Variants in MAPK3 observed in about 807,000 individuals in gnomAD.
MAPK3 encodes the protein mitogen-activated protein kinase 3, also known as MAPK 1.
In MAPK3, 30 loss-of-function variants were observed where a neutral mutation model predicts 41.8. The observed-to-expected ratio is 0.72, with a 90% confidence interval of 0.54 to 0.97. The LOEUF (loss-of-function observed/expected upper bound fraction) is 0.97. MAPK3 is among the 50% of genes least tolerant of loss of function. MAPK3 has a pLI of 0.00. For synonymous variants in MAPK3, 222 were observed against 213.4 expected (o/e 1.04, Z -0.35); for missense variants, 413 against 509.9 (o/e 0.81, Z 1.83).
chr16:30,121,912 T>C lies in MAPK3; in HGVS notation c.265A>G (p.Ile89Val), dbSNP rs141047495. ...TGGCGGAAGCGCAGCAGGATCTGGA[T>C]CTCCCGGAGCGTGCGCTGGCAGTAG... ...QTYCQRTLREIQILLRFRHEN... is the reference protein window; with the variant it reads ...QTYCQRTLREVQILLRFRHEN... The change falls in exon 2 of 9, where the codon ATC (isoleucine) becomes GTC (valine). Residue 89 changes from isoleucine to valine, a missense_variant. By Grantham distance (29) the Ile-to-Val change is conservative. Around this residue, in one of 4 missense-constraint regions of MAPK3, gnomAD observed 145 missense variants for 133.0 expected, o/e 1.09. Coordinates refer to ENST00000263025, the MANE Select transcript of MAPK3 (RefSeq NM_002746.3). 122 of 1,613,976 alleles carry C rather than the reference T, an allele frequency of 7.6e-5. No individual in the cohort carries two copies. The African/African-American group carries it at 1.4e-3, about 18-fold the overall frequency.
rs1596884400 is a variant in MAPK3 at position 30,122,925 on chromosome 16, G to C, written c.170+115C>G. On this transcript the variant is annotated intron_variant, in intron 1 of 8. Coordinates refer to ENST00000263025, the MANE Select transcript of MAPK3 (RefSeq NM_002746.3). ...CGCTCCCGATCATCCCGAGTCTCCTGCCTCCTCGGGACGCTCCGCGTCTCC... is the reference window on the plus strand; with the variant it reads ...CGCTCCCGATCATCCCGAGTCTCCTCCCTCCTCGGGACGCTCCGCGTCTCC... The C allele has an allele frequency of 4.2e-6, 4 of 957,560 alleles. No homozygotes were observed. In the African/African-American group the frequency reaches 7.0e-5, roughly 17 times the overall value. The allele number at this position is 957,560 out of a possible 1,614,324, so 59.3% of individuals were successfully genotyped here. A position where few individuals can be genotyped will look rare whatever the true frequency, so the allele number is the denominator to read the frequency against.
At position 30,118,379 on chromosome 16, in the gene MAPK3, G is replaced by A. The variant is rs2151045896; in HGVS notation, c.513C>T (p.Asn171=). Residue 171 remains asparagine (N), a synonymous_variant, in exon 3 of 9, where the codon AAC becomes AAT. Transcript: ENST00000263025. Reference sequence around the variant, plus strand: ...GGTCGCAGGTGGTGTTGATGAGCAGGTTGGAGGGCTTTAGATCTCGGTGGA... The same window carrying A: ...GGTCGCAGGTGGTGTTGATGAGCAGATTGGAGGGCTTTAGATCTCGGTGGA... The part of the protein sequence containing the change: ...NVLHRDLKPS[N]LLINTTCDLK... 2 of 1,613,458 alleles carry A rather than the reference G, an allele frequency of 1.2e-6. No individual in the cohort carries two copies. The highest frequency in any genetic ancestry group is 1.7e-6 in the Non-Finnish European group (2 of 1,179,526).
chr16:30,121,271 G>A (rs1220144586), intron 2 of MAPK3, among the ~76,000 whole-genome samples: 1 of 151,856 alleles, frequency 6.6e-6, no homozygotes, highest in South Asian at 2.1e-4. Context: ...ACCATGCCCC[G>A]CTAATTTTTT....
Position 30,118,496 on chromosome 16 carries a change from C to CA in MAPK3, c.395dup (p.Leu132PhefsTer10). The stretch of plus-strand genomic sequence containing the variant: ...CATTGCTCAGCTGCTGGCTTTTCAG[C>CA]AACTTGTACAGGTCAGTCTCCATCA... On this transcript the variant is annotated frameshift_variant, in exon 3 of 9. Transcript: ENST00000263025. LOFTEE classifies it high-confidence loss of function. 1 of 1,613,970 alleles carries CA rather than the reference C, an allele frequency of 6.2e-7. No individual in the cohort carries two copies. Among genetic ancestry groups the CA allele is most frequent in the East Asian group, 2.2e-5 (1 of 44,882 alleles).
intron 2 of MAPK3, 93 bp downstream of exon 2, chr16:30,121,731 G>T: frequency 7.7e-7 from 1 of 1,297,712 alleles, no homozygotes; most frequent in Non-Finnish European, 1.1e-6. Flanking sequence ...TTTGGAGGGT[G>T]GTGGGTAAGA....
rs1435051948 is a variant in MAPK3 at position 30,118,112 on chromosome 16, C to T, written c.595G>A (p.Gly199Ser). The part of the protein sequence containing the change: ...RIADPEHDHT[G>S]FLTEYVATRW... ...GTAGCCACATACTCCGTCAGGAAGC[C>T]GGTGTGGTCATGCTCAGGATCGGCA... Residue 199 changes from glycine (G) to serine (S), a missense_variant, in exon 4 of 9, where the codon GGC becomes AGC. Gly to Ser is a moderately conservative substitution (Grantham distance 56). Coordinates refer to ENST00000263025, the MANE Select transcript of MAPK3 (RefSeq NM_002746.3). 14 of 1,614,126 alleles carry T rather than the reference C, an allele frequency of 8.7e-6. No individual in the cohort carries two copies. The highest frequency in any genetic ancestry group is 1.6e-4 in the Middle Eastern group (1 of 6,062).
rs180694536 is a variant in MAPK3 at position 30,117,752 on chromosome 16, C to A, written c.693G>T (p.Val231=). 1.2e-6 allele frequency: 2 copies of A among 1,614,064 alleles called. No homozygotes were observed. The highest frequency in any genetic ancestry group is 8.5e-7 in the Non-Finnish European group (1 of 1,179,954). Residue 231 remains valine, a synonymous_variant, in exon 5 of 9, where the codon GTG becomes GTT. Coordinates refer to ENST00000263025, the MANE Select transcript of MAPK3 (RefSeq NM_002746.3). ...AGAGCATCTCAGCCAGAATGCAGCC[C>A]ACAGACCAGATGTCGATGGACTTGG... The part of the protein sequence containing the change: ...GYTKSIDIWS[V]GCILAEMLSN...
At chr16:30,117,340 A>AAT (rs1272217531) in intron 5 of MAPK3, 55 bp from the exon 6 acceptor site, 24 of 1,585,312 alleles carry the variant, frequency 1.5e-5, no homozygotes, top group Middle Eastern at 1.8e-4. Flanking sequence ...CTGGGAACAG[A>AAT]ATAGGCAACA....
intron 8 of MAPK3, among the ~76,000 whole-genome samples, chr16:30,115,012 G>A (rs1014225128): frequency 6.6e-6 from 1 of 151,608 alleles, no homozygotes; most frequent in Admixed American, 6.6e-5. Context: ...CTGAGGTGGT[G>A]GATCGCTTGA....
In MAPK3 at chr16:30,121,809, C is replaced by G. The variant is rs1271380800; in HGVS notation, c.353+15G>C. On this transcript the variant is annotated intron_variant, in intron 2 of 8. Transcript: ENST00000263025. ...GGCCGTGCCTGACCAGCCGACTGGCCAAGGTGAAGGATACACATCTCTCAT... is the reference window on the plus strand; with the variant it reads ...GGCCGTGCCTGACCAGCCGACTGGCGAAGGTGAAGGATACACATCTCTCAT... The G allele has an allele frequency of 1.2e-6, 2 of 1,610,942 alleles. No homozygotes were observed. Among genetic ancestry groups the G allele is most frequent in the East Asian group, 4.5e-5 (2 of 44,808 alleles).
chr16:30,118,583 G>C (rs763180481), intron 2 of MAPK3, 45 bp from the exon 3 acceptor site: 1 of 1,544,066 alleles, frequency 6.5e-7, no homozygotes, highest in Non-Finnish European at 8.8e-7. Context: ...GGCAGTGGGA[G>C]GCACTTGGTT....
At chr16:30,122,366 G>A (rs895572639) in intron 1 of MAPK3, 2 of 350,272 alleles carry the variant, frequency 5.7e-6, no homozygotes, top group Non-Finnish European at 1.1e-5. Context: ...CACACCATGG[G>A]GCAAATACTG....
At position 30,123,039 on chromosome 16, in the gene MAPK3, C is replaced by A; in HGVS notation, c.170+1G>T. On this transcript the variant is annotated splice_donor_variant, in intron 1 of 8. Transcript: ENST00000263025. LOFTEE classifies it high-confidence loss of function. ...CCCCCTCCCCCGGAACGCCCCCTCA[C>A]CTGACCATGCCGTACGCGCCCTCGC... The A allele has an allele frequency of 6.4e-7, 1 of 1,554,824 alleles. No individual in the cohort carries two copies.
chr16:30,121,625 G>A (rs933235956), intron 2 of MAPK3, among the ~76,000 whole-genome samples, 199 bp downstream of exon 2: 2 of 152,196 alleles, frequency 1.3e-5, no homozygotes, highest in African/African-American at 4.8e-5. Context: ...AGGCCATACT[G>A]CCTGGGCCGC....
In MAPK3 at chr16:30,123,149, C is replaced by A. The variant is rs773609716; in HGVS notation, c.61G>T (p.Gly21Cys). 2.0e-6 allele frequency: 3 copies of A among 1,519,796 alleles called. No homozygotes were observed. The highest frequency in any genetic ancestry group is 2.4e-5 in the South Asian group (2 of 81,686). The allele number at this position is 1,519,796 out of a possible 1,614,324, so 94.1% of individuals were successfully genotyped here. Reference sequence around the variant, plus strand: ...TCCACCTCCCCCGGGACCCCCGGGCCGACCCCCTCGGTTCTACGGGGCTCC... The same window carrying A: ...TCCACCTCCCCCGGGACCCCCGGGCAGACCCCCTCGGTTCTACGGGGCTCC... ...GGEPRRTEGV[G>C]PGVPGEVEMV... Residue 21 changes from glycine to cysteine, a missense_variant, in exon 1 of 9, where the codon GGC becomes TGC. Coordinates refer to ENST00000263025, the MANE Select transcript of MAPK3 (RefSeq NM_002746.3).
In MAPK3 at chr16:30,123,169, G is replaced by T. The variant is rs759741789; in HGVS notation, c.41C>A (p.Pro14His). Residue 14 changes from proline (P) to histidine (H), a missense_variant, in exon 1 of 9, where the codon CCC becomes CAC. Around this residue, in one of 4 missense-constraint regions of MAPK3, gnomAD observed 145 missense variants for 133.0 expected, o/e 1.09. Coordinates refer to ENST00000263025, the MANE Select transcript of MAPK3 (RefSeq NM_002746.3). ...CGGGCCGACCCCCTCGGTTCTACGG[G>T]GCTCCCCGCCCCCGCCCCCCTGAGC... ...AAAQGGGGGE[P>H]RRTEGVGPGV... 2 of 1,424,442 alleles carry T rather than the reference G, an allele frequency of 1.4e-6. No individual in the cohort carries two copies. Among genetic ancestry groups the T allele is most frequent in the African/African-American group, 3.0e-5 (2 of 67,280 alleles). 88.2% of individuals were successfully genotyped at this position (1,424,442 alleles called of 1,614,324 possible).
chr16:30,121,869 A>T lies in MAPK3; in HGVS notation c.308T>A (p.Ile103Asn). The change falls in exon 2 of 9, where the codon ATC becomes AAC. Residue 103 changes from isoleucine (I) to asparagine (N), a missense_variant. Transcript: ENST00000263025. ...LRFRHENVIG[I>N]RDILRASTLE... ...GGTGGACGCCCGCAGAATGTCTCGG[A>T]TGCCGATGACATTCTCATGGCGGAA... 1 of 1,614,166 alleles carries T rather than the reference A, an allele frequency of 6.2e-7. No homozygotes were observed. Among genetic ancestry groups the T allele is most frequent in the Non-Finnish European group, 8.5e-7 (1 of 1,180,030 alleles).
intron 1 of MAPK3, chr16:30,122,270 C>G (rs778328520): frequency 6.3e-5 from 34 of 538,388 alleles, no homozygotes; most frequent in Non-Finnish European, 1.1e-4. Flanking sequence ...AATCCCCTTC[C>G]ATTCTACTGG....
In MAPK3 at chr16:30,116,661, G is replaced by C; in HGVS notation, c.*7C>G. The C allele has an allele frequency of 1.2e-6, 2 of 1,612,980 alleles. No individual in the cohort carries two copies. Among genetic ancestry groups the C allele is most frequent in the Non-Finnish European group, 1.7e-6 (2 of 1,179,938 alleles). On this transcript the variant is annotated 3_prime_UTR_variant, in exon 8 of 9. Coordinates refer to ENST00000263025, the MANE Select transcript of MAPK3 (RefSeq NM_002746.3). ...CAGGCCCCAGGGTGCAGAGATGTCTGTCTGGGCTAGGGGGCCTCCAGCACT... is the reference window on the plus strand; with the variant it reads ...CAGGCCCCAGGGTGCAGAGATGTCTCTCTGGGCTAGGGGGCCTCCAGCACT...
Sources: gnomAD v4.1 joint callset for allele counts (sites outside exome capture counted in the v4.1 genomes callset) on GRCh38, gnomAD v4.1.1 for gene constraint, gnomAD v4.1.1 regional missense constraint, MANE v1.5 for transcripts, NCBI Gene and HGNC (gene_info 2026-07-23, HGNC 2026-07-21) for gene names.